TRHDE: variants seen among roughly 807,000 people sequenced by gnomAD.
The protein encoded by TRHDE is thyrotropin-releasing hormone-degrading ectoenzyme.
A neutral mutation model predicts 125.7 loss-of-function variants in TRHDE; 72 were observed. The observed-to-expected ratio is 0.57, with a 90% CI of 0.47 to 0.70. The LOEUF (loss-of-function observed/expected upper bound fraction) is 0.70, where lower values mean the gene tolerates loss of function less well. TRHDE is among the 30% of genes least tolerant of loss of function. TRHDE has a pLI of 0.00. For synonymous variants in TRHDE, 509 were observed against 509.1 expected, an observed-to-expected ratio of 1.00 and a Z score of 0.00; for missense variants, 1,110 against 1,327.1, an observed-to-expected ratio of 0.84 and a Z score of 2.54.
At position 72,197,559 on chromosome 12, in the gene TRHDE, T is replaced by C. The variant is rs777265871; in HGVS notation, n.279+91807T>C. Among the ~76,000 whole-genome samples the C allele has an allele frequency of 6.9e-4, 105 of 152,296 alleles. 1 individual carries two copies. The highest frequency in any genetic ancestry group is 3.4e-3 in the Middle Eastern group (1 of 294). ...CTTAAAACTTTTAAATGGTTTATTT[T>C]TGGACTTAAGGTAAAATCTGAAATG... On this transcript the variant is annotated intron_variant and non_coding_transcript_variant, in intron 2 of 4. Coordinates refer to the TRHDE transcript ENST00000548156.
Position 72,315,332 on chromosome 12 carries a change from T to C in TRHDE, c.1188+28378T>C, listed in dbSNP as rs1004712739. Among the ~76,000 whole-genome samples the C allele has an allele frequency of 3.3e-5, 5 of 152,316 alleles. No homozygotes were observed. The East Asian group carries it at 9.6e-4, about 29-fold the overall frequency. ...TTTTGTAAGAAAAAAACCAAACCGA[T>C]AGGTCTTATACAAGTTCCTCAAGGT... On this transcript the variant is annotated intron_variant, in intron 2 of 18. Transcript: ENST00000261180.
At position 72,300,613 on chromosome 12, in the gene TRHDE, G is replaced by A. The variant is rs188229662; in HGVS notation, c.1188+13659G>A. Among the ~76,000 whole-genome samples, 368 of 150,220 alleles carry A rather than the reference G, an allele frequency of 2.4e-3. 5 individuals carry two copies. The highest frequency in any genetic ancestry group is 8.2e-3 in the African/African-American group (334 of 40,960). On this transcript the variant is annotated intron_variant, in intron 2 of 18. Transcript: ENST00000261180. ...ACTGAGCAGCTCAAAGATGTATAGCGTGTGTGTGTGTGTATATATATGTTC... is the reference window on the plus strand; with the variant it reads ...ACTGAGCAGCTCAAAGATGTATAGCATGTGTGTGTGTGTATATATATGTTC...
chr12:72,374,086 G>T (rs927017278), intron 2 of TRHDE, among the ~76,000 whole-genome samples: 1 of 152,124 alleles, frequency 6.6e-6, no homozygotes, highest in Non-Finnish European at 1.5e-5. Flanking sequence ...CATGGACCAG[G>T]GTGGTAGTAG....
intron 1 of TRHDE, among the ~76,000 whole-genome samples, chr12:72,093,679 A>G (rs193252403): frequency 4.0e-5 from 6 of 151,800 alleles, no homozygotes; most frequent in African/African-American, 1.4e-4. Flanking sequence ...GTTTGTTTTT[A>G]TGGTTTCTAG....
At chr12:72,354,818 A>G (rs373249518) in intron 2 of TRHDE, among the ~76,000 whole-genome samples, 86 of 151,248 alleles carry the variant, frequency 5.7e-4, no homozygotes, top group Middle Eastern at 3.5e-3. Flanking sequence ...CACTACGCCA[A>G]TTGTCTAGCT....
intron 2 of TRHDE, among the ~76,000 whole-genome samples, chr12:72,115,288 C>T (rs909654175): frequency 2.3e-5 from 3 of 131,316 alleles, no homozygotes; most frequent in South Asian, 2.6e-4. Flanking sequence ...TTTTAGCTTC[C>T]GCATGTGAAG....
intron 3 of TRHDE, among the ~76,000 whole-genome samples, chr12:72,399,923 G>A (rs900686212): frequency 6.6e-6 from 1 of 151,976 alleles, no homozygotes; most frequent in Non-Finnish European, 1.5e-5. Context: ...AGCTATCAAG[G>A]GATAAAATGG....
At chr12:72,399,374 A>C (rs181374024) in intron 3 of TRHDE, among the ~76,000 whole-genome samples, 1 of 152,272 alleles carries the variant, frequency 6.6e-6, no homozygotes, top group East Asian at 1.9e-4. Flanking sequence ...GGAAAGTACT[A>C]ACCATTTTAT....
At chr12:72,261,935 A>C (rs1878959024) in intron 2 of TRHDE, among the ~76,000 whole-genome samples, 1 of 152,184 alleles carries the variant, frequency 6.6e-6, no homozygotes, top group Non-Finnish European at 1.5e-5. Flanking sequence ...ACTGAAGAAC[A>C]CTGAACTTTG....
intron 1 of TRHDE, among the ~76,000 whole-genome samples, chr12:72,283,729 CT>C (rs952465880): frequency 1.2e-4 from 18 of 152,008 alleles, no homozygotes; most frequent in African/African-American, 3.9e-4. Flanking sequence ...GTATTTACAT[CT>C]TTTACACATA....
At chr12:72,210,204 A>ATCTATCTG (rs1372892678) in intron 2 of TRHDE, among the ~76,000 whole-genome samples, 1 of 151,786 alleles carries the variant, frequency 6.6e-6, no homozygotes, top group South Asian at 2.1e-4. Flanking sequence ...CTATCTATCT[A>ATCTATCTG]TCTACTTTCT....
chr12:72,274,777 T>C (rs774009683), intron 1 of TRHDE: 11 of 152,214 alleles, frequency 7.2e-5, no homozygotes, highest in Non-Finnish European at 5.9e-5. Flanking sequence ...ACTTGTAGGA[T>C]TGGTGTAGAC....
intron 2 of TRHDE, among the ~76,000 whole-genome samples, chr12:72,342,750 C>G (rs1870139353): frequency 1.3e-5 from 2 of 152,070 alleles, no homozygotes; most frequent in Admixed American, 1.3e-4. Flanking sequence ...TCTTTCTTCA[C>G]TATAATGTTG....
chr12:72,232,128 A>T (rs2139374731), intron 2 of TRHDE, among the ~76,000 whole-genome samples: 1 of 152,280 alleles, frequency 6.6e-6, no homozygotes, highest in Non-Finnish European at 1.5e-5. Context: ...AGTTCTCAAG[A>T]GGAGGGGTAC....
chr12:72,457,051 T>C (rs540358482), intron 3 of TRHDE, among the ~76,000 whole-genome samples: 55 of 152,276 alleles, frequency 3.6e-4, no homozygotes, highest in South Asian at 6.2e-4. Flanking sequence ...AAAGACATGG[T>C]TCATAATTTG....
chr12:72,113,390 C>T (rs1362498757), intron 2 of TRHDE, among the ~76,000 whole-genome samples: 3 of 151,414 alleles, frequency 2.0e-5, no homozygotes, highest in African/African-American at 2.4e-5. Context: ...TTTAGGATGC[C>T]GAGGTGCATA....
chr12:72,152,217 G>C lies in TRHDE; in HGVS notation n.279+46465G>C, dbSNP rs1034821604. ...CTGTTTGTCTGTTATTGGTGTATAA[G>C]AATGCTTGTGATTTTTGTACATTGA... is the stretch of plus-strand genomic sequence containing the variant. On this transcript the variant is annotated intron_variant and non_coding_transcript_variant, in intron 2 of 4. Coordinates refer to the TRHDE transcript ENST00000548156. Among the ~76,000 whole-genome samples the C allele has an allele frequency of 3.9e-3, 592 of 151,128 alleles. 11 individuals carry two copies. Among genetic ancestry groups the C allele is most frequent in the Admixed American group, 0.011 (160 of 15,186 alleles).
intron 5 of TRHDE, among the ~76,000 whole-genome samples, chr12:72,496,786 A>G (rs1877938304): frequency 6.6e-6 from 1 of 152,266 alleles, no homozygotes; most frequent in East Asian, 1.9e-4. Context: ...GACAGTAGGC[A>G]ATTAACCAAT....
intron 9 of TRHDE, among the ~76,000 whole-genome samples, chr12:72,566,335 TA>T (rs1031906181): frequency 6.6e-6 from 1 of 150,988 alleles, no homozygotes; most frequent in South Asian, 2.1e-4. Flanking sequence ...TTTTAAGTTT[TA>T]AAAAATGCCT....
Sources: allele counts gnomAD v4.1 joint callset (sites outside exome capture counted in the v4.1 genomes callset), GRCh38; gene constraint gnomAD v4.1.1; transcripts MANE v1.5; gene names NCBI Gene and HGNC (gene_info 2026-07-23, HGNC 2026-07-21).